ARHGEF28: variants seen among roughly 807,000 people sequenced by gnomAD.
ARHGEF28 encodes Rho guanine nucleotide exchange factor 28, also known as 190 kDa guanine nucleotide exchange factor.
Under a neutral mutation model 206.6 loss-of-function variants are expected in ARHGEF28, and 152 were observed. The observed-to-expected ratio is 0.74, with a 90% CI of 0.64 to 0.84. ARHGEF28 has a LOEUF of 0.84. Ranked by LOEUF, ARHGEF28 falls within the 40% of genes least tolerant of loss-of-function variation. The pLI is 0.00. For synonymous variants in ARHGEF28, 763 were observed against 776.4 expected, an observed-to-expected ratio of 0.98 and a Z score of 0.29; for missense variants, 2,028 against 2,073.2, an observed-to-expected ratio of 0.98 and a Z score of 0.42.
At chr5:73,686,553 C>T (rs1462854589) in intron 2 of ARHGEF28, among the ~76,000 whole-genome samples, 1 of 147,034 alleles carries the variant, frequency 6.8e-6, no homozygotes, top group Non-Finnish European at 1.5e-5. Context: ...GAGTCTGGCT[C>T]TGTCACCCAG....
intron 2 of ARHGEF28, among the ~76,000 whole-genome samples, chr5:73,686,040 A>G (rs962823464): frequency 3.3e-5 from 5 of 152,166 alleles, no homozygotes; most frequent in African/African-American, 1.2e-4. Flanking sequence ...TACACATGAC[A>G]CATACTTCTC....
intron 2 of ARHGEF28, among the ~76,000 whole-genome samples, chr5:73,737,535 G>T (rs1751069321): frequency 2.0e-5 from 1 of 48,952 alleles, no homozygotes; most frequent in African/African-American, 6.2e-5. Context: ...TTTTGTGATG[G>T]AGTTTTGCTC....
chr5:73,870,062 A>G lies in ARHGEF28; in HGVS notation c.2426-7A>G. On this transcript the variant is annotated splice_region_variant and splice_polypyrimidine_tract_variant and intron_variant, in intron 20 of 35. Coordinates refer to ENST00000513042, the MANE Select transcript of ARHGEF28 (RefSeq NM_001177693.2). ...CTTCTGGCTTTTCTTTTCTAAACACACATTAGATGTTGTGGATTCTTCTCT... is the reference window on the plus strand; with the variant it reads ...CTTCTGGCTTTTCTTTTCTAAACACGCATTAGATGTTGTGGATTCTTCTCT... 2 of 1,607,962 alleles carry G rather than the reference A, an allele frequency of 1.2e-6. No homozygotes were observed. The highest frequency in any genetic ancestry group is 1.7e-6 in the Non-Finnish European group (2 of 1,178,414).
At chr5:73,798,631 G>C (rs544469846) in intron 9 of ARHGEF28, among the ~76,000 whole-genome samples, 1 of 152,290 alleles carries the variant, frequency 6.6e-6, no homozygotes, top group South Asian at 2.1e-4. Context: ...TCATAGTGCA[G>C]AGTGGGACTC....
At chr5:73,709,448 T>C (rs1749121280) in intron 2 of ARHGEF28, among the ~76,000 whole-genome samples, 1 of 152,224 alleles carries the variant, frequency 6.6e-6, no homozygotes, top group African/African-American at 2.4e-5. Context: ...CTATAATACA[T>C]TGTGATGGTT....
intron 1 of ARHGEF28, among the ~76,000 whole-genome samples, chr5:73,639,668 T>C (rs925640516): frequency 1.3e-4 from 20 of 152,296 alleles, no homozygotes; most frequent in African/African-American, 4.6e-4. Context: ...CTTCCTTTGC[T>C]TGTAATGTAG....
intron 1 of ARHGEF28, among the ~76,000 whole-genome samples, chr5:73,641,510 A>G (rs17633501): frequency 0.018 from 2,788 of 151,170 alleles, 20 homozygotes; most frequent in South Asian, 0.049. Context: ...AGAAATGTTT[A>G]GGGCCTAAGT....
intron 2 of ARHGEF28, among the ~76,000 whole-genome samples, chr5:73,691,765 A>G (rs1747846573): frequency 6.6e-6 from 1 of 152,216 alleles, no homozygotes; most frequent in Admixed American, 6.5e-5. Flanking sequence ...GACATAGCTC[A>G]AACTCACTCT....
chr5:73,683,747 G>A (rs1747259418), intron 1 of ARHGEF28, among the ~76,000 whole-genome samples: 1 of 152,000 alleles, frequency 6.6e-6, no homozygotes. Context: ...GTGTAAGGGA[G>A]GCAATAGAAC....
chr5:73,809,243 A>G (rs908877448), intron 9 of ARHGEF28, among the ~76,000 whole-genome samples: 9 of 150,940 alleles, frequency 6.0e-5, no homozygotes, highest in African/African-American at 2.2e-4. Flanking sequence ...TTCAGTGTCT[A>G]TAACAGAAGA....
At position 73,730,063 on chromosome 5, in the gene ARHGEF28, C is replaced by T. The variant is rs149225410; in HGVS notation, c.34-19774C>T. On this transcript the variant is annotated intron_variant, in intron 2 of 35. Transcript: ENST00000513042. ...TCAGTGAATATATCGCCATCTAATT[C>T]TGATCTAAAAACAGTTTTTCTAAGG... Among the ~76,000 whole-genome samples, 607 of 152,244 alleles carry T rather than the reference C, an allele frequency of 4.0e-3. 5 individuals are homozygous for T. The highest frequency in any genetic ancestry group is 0.014 in the African/African-American group (578 of 41,520).
chr5:73,629,829 G>A (rs758618832), intron 1 of ARHGEF28, among the ~76,000 whole-genome samples: 11 of 152,150 alleles, frequency 7.2e-5, no homozygotes, highest in Non-Finnish European at 1.3e-4. Context: ...GTTTTCTCTT[G>A]TTTTAGTTTA....
chr5:73,900,223 A>G (rs1762182480), intron 30 of ARHGEF28: 1 of 152,236 alleles, frequency 6.6e-6, no homozygotes, highest in African/African-American at 2.4e-5. Flanking sequence ...TTAAAGAAAA[A>G]AGCATTTCCT....
intron 1 of ARHGEF28, among the ~76,000 whole-genome samples, chr5:73,639,824 A>G (rs1743955475): frequency 6.6e-6 from 1 of 152,198 alleles, no homozygotes; most frequent in Admixed American, 6.5e-5. Context: ...CATTCCTGCT[A>G]TTCAGATTAG....
intron 9 of ARHGEF28, among the ~76,000 whole-genome samples, chr5:73,821,128 C>T (rs538897839): frequency 6.6e-6 from 1 of 152,078 alleles, no homozygotes; most frequent in African/African-American, 2.4e-5. Flanking sequence ...CCCTACCTAC[C>T]CGGTAGTATC....
chr5:73,671,062 A>G (rs1411979536), intron 1 of ARHGEF28, among the ~76,000 whole-genome samples: 2 of 152,164 alleles, frequency 1.3e-5, no homozygotes, highest in African/African-American at 4.8e-5. Flanking sequence ...AGAAAAATAT[A>G]CATGCACAGA....
chr5:73,869,685 T>A (rs1454708968), intron 20 of ARHGEF28, among the ~76,000 whole-genome samples: 1 of 152,114 alleles, frequency 6.6e-6, no homozygotes, highest in Non-Finnish European at 1.5e-5. Context: ...GGCGGGTGGA[T>A]CACTTGAGGT....
chr5:73,671,342 CATTGCCAG>C (rs1245371720), intron 1 of ARHGEF28, among the ~76,000 whole-genome samples: 1 of 152,100 alleles, frequency 6.6e-6, no homozygotes, highest in Non-Finnish European at 1.5e-5. Context: ...CTCTGGGAGA[CATTGCCAG>C]ATTGCTACCT....
At chr5:73,643,974 AG>A (rs1165761968) in intron 1 of ARHGEF28, among the ~76,000 whole-genome samples, 1 of 151,898 alleles carries the variant, frequency 6.6e-6, no homozygotes, top group Non-Finnish European at 1.5e-5. Flanking sequence ...TGCCACTGCT[AG>A]GACCACTCAG....
Sources: allele counts gnomAD v4.1 joint callset (sites outside exome capture counted in the v4.1 genomes callset), GRCh38; gene constraint gnomAD v4.1.1; transcripts MANE v1.5; gene names NCBI Gene and HGNC (gene_info 2026-07-23, HGNC 2026-07-21).